The following ANKS1A variants were observed in gnomAD, a reference collection of about 807,000 sequenced individuals.
ANKS1A encodes ankyrin repeat and SAM domain-containing protein 1A.
A neutral mutation model predicts 120.3 loss-of-function variants in ANKS1A; 55 were observed. That is an observed-to-expected ratio of 0.46 (90% CI 0.37 to 0.57). The LOEUF is 0.57. ANKS1A is among the 20% of genes least tolerant of loss of function. The probability of loss-of-function intolerance (pLI) is 0.00; values close to 1 mark genes in which losing one functional copy is unlikely to be tolerated. For synonymous variants in ANKS1A, 590 were observed against 604.7 expected, an observed-to-expected ratio of 0.98 and a Z score of 0.36; for missense variants, 1,123 against 1,480.3, an observed-to-expected ratio of 0.76 and a Z score of 3.96.
chr6:34,966,733 T>A (rs1051100952), intron 1 of ANKS1A, among the ~76,000 whole-genome samples: 8 of 152,216 alleles, frequency 5.3e-5, no homozygotes, highest in Admixed American at 2.6e-4. Context: ...GTTATTTTTT[T>A]AATTAATAAG....
At chr6:35,006,679 C>A (rs903078069) in intron 10 of ANKS1A, among the ~76,000 whole-genome samples, 2 of 152,112 alleles carry the variant, frequency 1.3e-5, no homozygotes, top group African/African-American at 4.8e-5. Flanking sequence ...GGCATGAACC[C>A]GGGAGGCAGA....
chr6:34,940,199 C>T (rs1395929120), intron 1 of ANKS1A, among the ~76,000 whole-genome samples: 1 of 152,190 alleles, frequency 6.6e-6, no homozygotes, highest in African/African-American at 2.4e-5. Context: ...AAAACAACTG[C>T]TGGTAAATTC....
chr6:34,995,703 A>G (rs1181153169), intron 10 of ANKS1A, among the ~76,000 whole-genome samples: 3 of 152,196 alleles, frequency 2.0e-5, no homozygotes, highest in Admixed American at 1.3e-4. Flanking sequence ...CTTCGCTAAT[A>G]CATTTGAAAT....
intron 1 of ANKS1A, among the ~76,000 whole-genome samples, chr6:34,933,464 G>A (rs967601964): frequency 1.4e-4 from 21 of 152,160 alleles, no homozygotes; most frequent in Non-Finnish European, 3.1e-4. Context: ...ACCGCCTCCT[G>A]GATTCAAGCG....
intron 11 of ANKS1A, among the ~76,000 whole-genome samples, chr6:35,019,549 A>T (rs1056761678): frequency 6.6e-6 from 1 of 152,082 alleles, no homozygotes; most frequent in African/African-American, 2.4e-5. Context: ...GTAAACAAAG[A>T]TTTGGTGAGC....
chr6:34,990,350 A>G (rs1772439167), intron 9 of ANKS1A, among the ~76,000 whole-genome samples: 1 of 152,178 alleles, frequency 6.6e-6, no homozygotes. Context: ...TGCTTATTAT[A>G]ATGTCTCATC....
intron 1 of ANKS1A, among the ~76,000 whole-genome samples, chr6:34,894,906 G>T (rs1329584606): frequency 1.3e-5 from 2 of 152,192 alleles, no homozygotes; most frequent in African/African-American, 4.8e-5. Context: ...AAGCCAAGGA[G>T]ACTTGCTGGA....
chr6:35,051,329 A>G (rs1386521514), intron 11 of ANKS1A, among the ~76,000 whole-genome samples: 1 of 152,248 alleles, frequency 6.6e-6, no homozygotes, highest in Non-Finnish European at 1.5e-5. Context: ...GTTCACTCTG[A>G]TGCCAAAAGG....
intron 7 of ANKS1A, among the ~76,000 whole-genome samples, chr6:34,984,338 A>C (rs1772070860): frequency 6.6e-6 from 1 of 152,198 alleles, no homozygotes; most frequent in African/African-American, 2.4e-5. Context: ...AGAAAAACAG[A>C]ACAAAGCTAA....
At chr6:34,963,180 A>G (rs1770735137) in intron 1 of ANKS1A, among the ~76,000 whole-genome samples, 1 of 152,102 alleles carries the variant, frequency 6.6e-6, no homozygotes, top group South Asian at 2.1e-4. Context: ...TAAGATTATA[A>G]TACGTTGTTA....
At chr6:35,065,913 C>T (rs1271583640) in intron 13 of ANKS1A, among the ~76,000 whole-genome samples, 3 of 152,206 alleles carry the variant, frequency 2.0e-5, no homozygotes, top group Non-Finnish European at 4.4e-5. Context: ...GTTGCTTCTA[C>T]CCGCCTCCTC....
intron 9 of ANKS1A, among the ~76,000 whole-genome samples, chr6:34,993,285 C>T (rs1278663025): frequency 6.6e-6 from 1 of 152,254 alleles, no homozygotes; most frequent in African/African-American, 2.4e-5. Context: ...CACAAAGTGG[C>T]TGTAGCACTA....
chr6:34,919,307 C>T (rs141119517), intron 1 of ANKS1A, among the ~76,000 whole-genome samples: 2 of 152,296 alleles, frequency 1.3e-5, no homozygotes, highest in South Asian at 2.1e-4. Flanking sequence ...ACCTGGAGCA[C>T]CTTTTCAGTC....
At chr6:34,917,926 T>C (rs947081534) in intron 1 of ANKS1A, among the ~76,000 whole-genome samples, 3 of 152,170 alleles carry the variant, frequency 2.0e-5, no homozygotes, top group Non-Finnish European at 4.4e-5. Flanking sequence ...CTGCCCTCCT[T>C]TCACCTGGTA....
intron 1 of ANKS1A, among the ~76,000 whole-genome samples, chr6:34,924,189 G>A (rs1768591058): frequency 1.3e-5 from 2 of 151,692 alleles, no homozygotes; most frequent in South Asian, 4.2e-4. Context: ...GGTCTGTGAC[G>A]GCTGAGAAGT....
At position 35,082,352 on chromosome 6, in the gene ANKS1A, A is replaced by G. The variant is rs1017873385; in HGVS notation, c.2710-339A>G. The stretch of plus-strand genomic sequence containing the variant: ...CTGTTCTCTCCTTTGGTCTTTGTGC[A>G]GAACAGCCTGGCAGCCTGTGCCCCC... On this transcript the variant is annotated intron_variant, in intron 17 of 23. Coordinates refer to ENST00000360359, the MANE Select transcript of ANKS1A (RefSeq NM_015245.3). This position sits in a 1 kb window ranked among gnomAD's most constrained non-coding sequence, Gnocchi z 4.1. Among the ~76,000 whole-genome samples the G allele has an allele frequency of 6.6e-6, 1 of 152,036 alleles. No homozygotes were observed. The highest frequency in any genetic ancestry group is 1.5e-5 in the Non-Finnish European group (1 of 67,996).
Position 34,982,764 on chromosome 6 carries a change from A to G in ANKS1A, c.745A>G (p.Ser249Gly), listed in dbSNP as rs1202052187. 6.2e-7 allele frequency: 1 copy of G among 1,614,256 alleles called. No homozygotes were observed. The stretch of plus-strand genomic sequence containing the variant: ...GTTTGCTTTCCAGACGGAGATGGGC[A>G]GTGCTTTGCATGAGGCTGCTTTGTT... Reference protein sequence around the residue: ...MDSNYQTEMGSALHEAALFGK... With the variant: ...MDSNYQTEMGGALHEAALFGK... The change falls in exon 5 of 24, where the codon AGT becomes GGT. Residue 249 changes from serine (S) to glycine (G), a missense_variant. This residue lies in a region of ANKS1A where 146 missense variants were observed against 267.8 expected (regional missense o/e 0.55). Transcript: ENST00000360359. The surrounding 1 kb of genome is among the most constrained non-coding windows in gnomAD (Gnocchi z 4.9).
chr6:34,992,297 C>G (rs1772616027), intron 9 of ANKS1A, among the ~76,000 whole-genome samples: 1 of 152,184 alleles, frequency 6.6e-6, no homozygotes, highest in Non-Finnish European at 1.5e-5. Context: ...TCCCTTCCAG[C>G]TCTGGCATTT....
chr6:35,013,864 C>G (rs1269970283), intron 10 of ANKS1A, among the ~76,000 whole-genome samples: 1 of 152,162 alleles, frequency 6.6e-6, no homozygotes, highest in African/African-American at 2.4e-5. Context: ...CTGTGAGGAA[C>G]GGAGAAGTAG....
Sources: allele counts gnomAD v4.1 joint callset (sites outside exome capture counted in the v4.1 genomes callset), GRCh38; gene constraint gnomAD v4.1.1; regional missense constraint gnomAD v4.1.1; non-coding constraint Gnocchi (gnomAD v3.1); transcripts MANE v1.5; gene names NCBI Gene and HGNC (gene_info 2026-07-23, HGNC 2026-07-21).